The following DPP10 variants were observed in gnomAD, a reference collection of about 807,000 sequenced individuals.
DPP10 encodes the protein dipeptidyl peptidase like 10, also known as inactive dipeptidyl peptidase 10.
DPP10 carries 33 observed loss-of-function variants against 120.9 expected under a neutral mutation model. The ratio of observed to expected loss-of-function variants is 0.27; its 90% confidence interval spans 0.21 to 0.37. DPP10 has a LOEUF of 0.37. Ranked by LOEUF, DPP10 falls within the 10% of genes least tolerant of loss-of-function variation. The pLI, the probability that DPP10 is intolerant of heterozygous loss-of-function variation, is 1.00. For synonymous variants in DPP10, 337 were observed against 326.1 expected, an observed-to-expected ratio of 1.03 and a Z score of -0.36; for missense variants, 816 against 942.8, an observed-to-expected ratio of 0.87 and a Z score of 1.76.
At chr2:114,528,455 C>G (rs1239026833) in intron 1 of DPP10, among the ~76,000 whole-genome samples, 2 of 151,978 alleles carry the variant, frequency 1.3e-5, no homozygotes, top group African/African-American at 2.4e-5. Context: ...CAGCCTAACT[C>G]TAGCTGGATG....
At chr2:115,055,263 A>G (rs1255903586) in intron 1 of DPP10, among the ~76,000 whole-genome samples, 2 of 152,202 alleles carry the variant, frequency 1.3e-5, no homozygotes, top group African/African-American at 4.8e-5. Flanking sequence ...TTGAACTTCC[A>G]TAAAGCTTGT....
At chr2:115,670,771 A>G (rs1251625623) in intron 5 of DPP10, among the ~76,000 whole-genome samples, 2 of 152,158 alleles carry the variant, frequency 1.3e-5, no homozygotes, top group Admixed American at 6.6e-5. Context: ...GGGGAAGATA[A>G]TATTGTCTAC....
intron 1 of DPP10, among the ~76,000 whole-genome samples, chr2:115,045,346 T>G (rs1186570762): frequency 6.6e-6 from 1 of 152,244 alleles, no homozygotes; most frequent in Non-Finnish European, 1.5e-5. Context: ...TTAAGGTTCT[T>G]TCTTTATTTC....
chr2:115,467,123 G>T (rs1187647374), intron 3 of DPP10, among the ~76,000 whole-genome samples: 1 of 152,064 alleles, frequency 6.6e-6, no homozygotes, highest in Non-Finnish European at 1.5e-5. Flanking sequence ...ATTTAAGGGA[G>T]CAATAAAGAA....
chr2:115,459,279 C>A (rs1425804841), intron 3 of DPP10, among the ~76,000 whole-genome samples: 1 of 151,930 alleles, frequency 6.6e-6, no homozygotes, highest in African/African-American at 2.4e-5. Context: ...GCCTCAGCCT[C>A]CCAAGTAGCT....
chr2:115,717,188 T>C (rs1054045739), intron 7 of DPP10, among the ~76,000 whole-genome samples: 2 of 152,142 alleles, frequency 1.3e-5, no homozygotes, highest in African/African-American at 4.8e-5. Context: ...ATTGAGGCTT[T>C]GAAGGTTAAA....
At chr2:114,497,297 GTA>G (rs1553451056) in intron 1 of DPP10, among the ~76,000 whole-genome samples, 1 of 47,576 alleles carries the variant, frequency 2.1e-5, no homozygotes, top group East Asian at 2.9e-4. Context: ...ACATGTACAT[GTA>G]TACGTGTATA....
At chr2:115,522,037 C>G (rs1404272128) in intron 4 of DPP10, among the ~76,000 whole-genome samples, 1 of 152,148 alleles carries the variant, frequency 6.6e-6, no homozygotes, top group Non-Finnish European at 1.5e-5. Flanking sequence ...CAGACAGAAT[C>G]TGGCCCCCAA....
intron 1 of DPP10, among the ~76,000 whole-genome samples, chr2:114,450,365 T>C (rs908407781): frequency 6.6e-6 from 1 of 152,300 alleles, no homozygotes; most frequent in African/African-American, 2.4e-5. Context: ...ACAATTAATC[T>C]TTTGAGTTAT....
At chr2:115,236,582 C>T (rs1273708711) in intron 1 of DPP10, among the ~76,000 whole-genome samples, 2 of 152,194 alleles carry the variant, frequency 1.3e-5, no homozygotes, top group Non-Finnish European at 2.9e-5. Flanking sequence ...AAGGGCTGGG[C>T]AGCAGAAGCT....
At chr2:115,497,153 A>G (rs2076442268) in intron 3 of DPP10, among the ~76,000 whole-genome samples, 1 of 152,136 alleles carries the variant, frequency 6.6e-6, no homozygotes, top group Admixed American at 6.6e-5. Context: ...GTAAGGGATT[A>G]TAGAAACTAT....
chr2:114,685,891 G>A (rs1423745583), intron 1 of DPP10, among the ~76,000 whole-genome samples: 1 of 152,068 alleles, frequency 6.6e-6, no homozygotes, highest in East Asian at 1.9e-4. Context: ...TATTCCCACA[G>A]CAGCTGCCAG....
chr2:115,653,532 C>T (rs1023815146), intron 5 of DPP10, among the ~76,000 whole-genome samples: 2 of 151,936 alleles, frequency 1.3e-5, no homozygotes, highest in Non-Finnish European at 2.9e-5. Flanking sequence ...GTTTTTCTTA[C>T]TCTTCATTTG....
At chr2:115,647,655 A>C (rs1432075278) in intron 5 of DPP10, among the ~76,000 whole-genome samples, 1 of 152,116 alleles carries the variant, frequency 6.6e-6, no homozygotes, top group Non-Finnish European at 1.5e-5. Flanking sequence ...ACAGAAATTA[A>C]TTTTTCACAG....
intron 19 of DPP10, among the ~76,000 whole-genome samples, chr2:115,809,729 A>G (rs567588014): frequency 1.3e-5 from 2 of 152,312 alleles, no homozygotes; most frequent in South Asian, 4.1e-4. Flanking sequence ...CCCTCTTTCC[A>G]CTGCCCCAGT....
chr2:115,007,519 G>C (rs1701943876), intron 1 of DPP10, among the ~76,000 whole-genome samples: 1 of 150,530 alleles, frequency 6.6e-6, no homozygotes, highest in African/African-American at 2.4e-5. Context: ...ACTGGCACAA[G>C]ACAGGGATGC....
At chr2:114,627,007 A>T (rs1302601221) in intron 1 of DPP10, among the ~76,000 whole-genome samples, 1 of 152,050 alleles carries the variant, frequency 6.6e-6, no homozygotes, top group Non-Finnish European at 1.5e-5. Context: ...ATATTTAGGC[A>T]GTTTTCCCTT....
At chr2:115,246,043 A>G (rs1001412809) in intron 1 of DPP10, among the ~76,000 whole-genome samples, 2 of 152,130 alleles carry the variant, frequency 1.3e-5, no homozygotes, top group African/African-American at 4.8e-5. Flanking sequence ...CTGAATACAG[A>G]AATTGAAATG....
At chr2:115,259,513 CA>C (rs2059156781) in intron 1 of DPP10, among the ~76,000 whole-genome samples, 2 of 151,254 alleles carry the variant, frequency 1.3e-5, no homozygotes, top group African/African-American at 4.9e-5. Context: ...GAAAGAATAG[CA>C]AAAGAAACAC....
Sources: gnomAD v4.1 joint callset for allele counts (sites outside exome capture counted in the v4.1 genomes callset) on GRCh38, gnomAD v4.1.1 for gene constraint, MANE v1.5 for transcripts, NCBI Gene and HGNC (gene_info 2026-07-23, HGNC 2026-07-21) for gene names.